Variants in DHX37 observed in about 807,000 individuals in gnomAD.
The protein encoded by DHX37 is probable ATP-dependent RNA helicase DHX37.
DHX37 carries 52 observed loss-of-function variants against 134.3 expected under a neutral mutation model. The observed-to-expected ratio is 0.39, with a 90% CI of 0.31 to 0.49. The LOEUF (loss-of-function observed/expected upper bound fraction) is 0.49, where lower values mean the gene tolerates loss of function less well. DHX37 is among the 20% of genes least tolerant of loss of function. DHX37 has a pLI of 0.93. For missense variants in DHX37, 1,344 were observed against 1,580.8 expected, an observed-to-expected ratio of 0.85 and a Z score of 2.54; for synonymous variants, 634 against 670.7, an observed-to-expected ratio of 0.95 and a Z score of 0.85.
At chr12:124,978,378 T>C (rs1954687102) in intron 4 of DHX37, among the ~76,000 whole-genome samples, 1 of 149,442 alleles carries the variant, frequency 6.7e-6, no homozygotes, top group African/African-American at 2.5e-5. Flanking sequence ...AGTGCAATAG[T>C]GTGATCTTGG....
At chr12:124,958,552 C>T (rs1435168930) in intron 16 of DHX37, among the ~76,000 whole-genome samples, 1 of 152,176 alleles carries the variant, frequency 6.6e-6, no homozygotes, top group Non-Finnish European at 1.5e-5. Context: ...GTAACTCCCT[C>T]CTAGAGTGGC....
chr12:124,976,019 G>A (rs1461043122), intron 5 of DHX37, among the ~76,000 whole-genome samples: 3 of 152,210 alleles, frequency 2.0e-5, no homozygotes, highest in African/African-American at 4.8e-5. Flanking sequence ...GGTGGTTTAT[G>A]CCGGACACCT....
intron 8 of DHX37, among the ~76,000 whole-genome samples, chr12:124,970,444 A>G (rs1010632219): frequency 2.6e-5 from 4 of 152,250 alleles, no homozygotes; most frequent in Non-Finnish European, 5.9e-5. Flanking sequence ...GGCACCAGGC[A>G]GACGCCCGCC....
Position 124,980,842 on chromosome 12 carries a change from T to C in DHX37, c.390-4A>G. Reference sequence around the variant, plus strand: ...GGCTACCACCTCGTCAGCCTTCCTGTTGAGATAGCAGAGACTTCAGGCACA... The same window carrying C: ...GGCTACCACCTCGTCAGCCTTCCTGCTGAGATAGCAGAGACTTCAGGCACA... On this transcript the variant is annotated splice_region_variant and splice_polypyrimidine_tract_variant and intron_variant, in intron 3 of 26. Coordinates refer to ENST00000308736, the MANE Select transcript of DHX37 (RefSeq NM_032656.4). The surrounding 1 kb of genome is among the most constrained non-coding windows in gnomAD (Gnocchi z 5.3). 6.5e-7 allele frequency: 1 copy of C among 1,548,506 alleles called. No homozygotes were observed. Among genetic ancestry groups the C allele is most frequent in the South Asian group, 1.2e-5 (1 of 85,046 alleles).
At chr12:124,967,095 A>G (rs1954405096) in intron 11 of DHX37, 28 bp downstream of exon 11, 4 of 1,611,714 alleles carry the variant, frequency 2.5e-6, no homozygotes, top group Non-Finnish European at 3.4e-6. Flanking sequence ...TGCTCAGGGC[A>G]GAGTGCTGGT....
chr12:124,954,413 T>G (rs935157687), intron 18 of DHX37, among the ~76,000 whole-genome samples: 2 of 152,210 alleles, frequency 1.3e-5, no homozygotes, highest in Middle Eastern at 3.4e-3. Context: ...TTCTTTTTTT[T>G]GAGACAGAGT....
Position 124,986,183 on chromosome 12 carries a change from G to A in DHX37, c.189C>T (p.Pro63=), listed in dbSNP as rs1422823718. The change falls in exon 2 of 27, where the codon CCC becomes CCT. Residue 63 remains proline (P), a synonymous_variant. Transcript: ENST00000308736. The part of the protein sequence containing the change: ...GKKKKKTKAP[P]LSKKEKKPLT... Reference sequence around the variant, plus strand: ...GAGGCTTCTTCTCCTTCTTCGACAGGGGAGGGGCTTTGGTCTTCTTTTTCT... The same window carrying A: ...GAGGCTTCTTCTCCTTCTTCGACAGAGGAGGGGCTTTGGTCTTCTTTTTCT... 6.2e-7 allele frequency: 1 copy of A among 1,614,022 alleles called. No homozygotes were observed. The highest frequency in any genetic ancestry group is 1.7e-5 in the Admixed American group (1 of 59,976).
intron 17 of DHX37, 51 bp downstream of exon 17, chr12:124,956,978 G>A: frequency 1.3e-6 from 2 of 1,523,490 alleles, no homozygotes; most frequent in Non-Finnish European, 1.8e-6. Flanking sequence ...GCAAAAGGGA[G>A]AGAGGGCCCT....
chr12:124,985,880 C>T (rs1954862269), intron 2 of DHX37, among the ~76,000 whole-genome samples: 1 of 150,908 alleles, frequency 6.6e-6, no homozygotes, highest in Non-Finnish European at 1.5e-5. Context: ...TTCTCCGGAA[C>T]AGTTCAGTTC....
chr12:124,954,531 C>A (rs1342327691), intron 18 of DHX37, among the ~76,000 whole-genome samples: 2 of 151,974 alleles, frequency 1.3e-5, no homozygotes, highest in African/African-American at 4.8e-5. Flanking sequence ...GTAGCTGGGA[C>A]TACAGGTGCC....
intron 14 of DHX37, 124 bp from the exon 15 acceptor site, chr12:124,964,750 A>T: frequency 1.3e-6 from 2 of 1,497,146 alleles, no homozygotes; most frequent in East Asian, 4.9e-5. Context: ...AAGCCATCCC[A>T]TCTGGGGCCC....
intron 5 of DHX37, among the ~76,000 whole-genome samples, chr12:124,977,088 G>C (rs992051154): frequency 6.6e-6 from 1 of 151,162 alleles, no homozygotes; most frequent in Non-Finnish European, 1.5e-5. Flanking sequence ...TAAGCACATA[G>C]CTCTACGTGC....
intron 6 of DHX37, among the ~76,000 whole-genome samples, chr12:124,975,096 C>T (rs1252085179): frequency 3.9e-5 from 6 of 152,162 alleles, no homozygotes; most frequent in African/African-American, 1.4e-4. Flanking sequence ...ACTTTAGAAC[C>T]TTGAGTTTTA....
At chr12:124,957,940 G>A (rs184556878) in intron 16 of DHX37, among the ~76,000 whole-genome samples, 116 of 152,340 alleles carry the variant, frequency 7.6e-4, no homozygotes, top group African/African-American at 2.5e-3. Context: ...GCAGCGACAC[G>A]CGCTACACCA....
At position 124,980,408 on chromosome 12, in the gene DHX37, T is replaced by G. The variant is rs1954733129; in HGVS notation, c.738+82A>C. The G allele has an allele frequency of 6.9e-7, 1 of 1,455,002 alleles. No individual in the cohort carries two copies. The highest frequency in any genetic ancestry group is 9.3e-7 in the Non-Finnish European group (1 of 1,077,146). 90.1% of individuals were successfully genotyped at this position (1,455,002 alleles called of 1,614,324 possible). The stretch of plus-strand genomic sequence containing the variant: ...ATGGAGGCACAGAGAAGGGATGCCC[T>G]TGCCCCACTTCACCAGGACGCCCTC... On this transcript the variant is annotated intron_variant, in intron 4 of 26. Transcript: ENST00000308736. This position sits in a 1 kb window ranked among gnomAD's most constrained non-coding sequence, Gnocchi z 5.3.
rs1449085080 is a variant in DHX37, at chr12:124,950,941, G to A, written c.2869-137C>T. The A allele has an allele frequency of 9.4e-6, 12 of 1,278,678 alleles. No homozygotes were observed. The Admixed American group carries it at 1.1e-4, about 11-fold the overall frequency. 79.2% of individuals were successfully genotyped at this position (1,278,678 alleles called of 1,614,324 possible). Reference sequence around the variant, plus strand: ...GAGTGCTCCATCTGCCGGGAAATGCGGCCCATCCACACGCTGGAGTCTGAT... The same window carrying A: ...GAGTGCTCCATCTGCCGGGAAATGCAGCCCATCCACACGCTGGAGTCTGAT... On this transcript the variant is annotated intron_variant, in intron 21 of 26. Coordinates refer to ENST00000308736, the MANE Select transcript of DHX37 (RefSeq NM_032656.4).
intron 8 of DHX37, among the ~76,000 whole-genome samples, chr12:124,970,795 G>A (rs977074935): frequency 3.3e-5 from 5 of 152,196 alleles, no homozygotes; most frequent in African/African-American, 9.7e-5. Flanking sequence ...TCTCCCCGCC[G>A]GGAGGGTGAG....
At chr12:124,958,889 G>C (rs901873876) in intron 16 of DHX37, among the ~76,000 whole-genome samples, 7 of 148,966 alleles carry the variant, frequency 4.7e-5, no homozygotes, top group African/African-American at 1.5e-4. Flanking sequence ...CTCCCAAAGT[G>C]CTGTGAGCCA....
Position 124,956,916 on chromosome 12 carries a change from G to A in DHX37, c.2265-37C>T, listed in dbSNP as rs374890944. 180 of 1,551,834 alleles carry A rather than the reference G, an allele frequency of 1.2e-4. No homozygotes were observed. The African/African-American group carries it at 2.2e-3, about 19-fold the overall frequency. On this transcript the variant is annotated intron_variant, in intron 17 of 26. Coordinates refer to ENST00000308736, the MANE Select transcript of DHX37 (RefSeq NM_032656.4). ...GGTGGTGGTGGCAGTGCTCTGAGAG[G>A]AGCTCTGGAGCCACAGCTGGGAGGC...
Sources: gnomAD v4.1 joint callset for allele counts (sites outside exome capture counted in the v4.1 genomes callset) on GRCh38, gnomAD v4.1.1 for gene constraint, Gnocchi (gnomAD v3.1) non-coding constraint, MANE v1.5 for transcripts, NCBI Gene and HGNC (gene_info 2026-07-23, HGNC 2026-07-21) for gene names.